Variants in SLC38A8 observed in about 807,000 individuals in gnomAD.
The protein encoded by SLC38A8 is amino acid transporter SLC38A8.
A neutral mutation model predicts 46.0 loss-of-function variants in SLC38A8; 65 were observed. The ratio of observed to expected loss-of-function variants is 1.41; its 90% CI spans 1.16 to 1.74. The LOEUF (loss-of-function observed/expected upper bound fraction) is 1.74, where lower values mean the gene tolerates loss of function less well. SLC38A8 is among the 40% of genes most tolerant of loss of function. The probability of loss-of-function intolerance (pLI) is 0.00; values close to 1 mark genes in which losing one functional copy is unlikely to be tolerated. For missense variants in SLC38A8, 998 were observed against 567.9 expected (o/e 1.76, Z -7.70); for synonymous variants, 447 against 243.7 (o/e 1.83, Z -7.77).
chr16:84,040,323 G>T, intron 2 of SLC38A8, among the ~76,000 whole-genome samples: 1 of 152,266 alleles, frequency 6.6e-6, no homozygotes, highest in Non-Finnish European at 1.5e-5. Flanking sequence ...TTCACCTCAG[G>T]GTTCCCTTCT....
intron 2 of SLC38A8, among the ~76,000 whole-genome samples, chr16:84,041,730 T>G (rs997723954): frequency 6.6e-6 from 1 of 152,184 alleles, no homozygotes; most frequent in African/African-American, 2.4e-5. Context: ...CTGCGATGCC[T>G]GTAGCTCCAT....
At chr16:84,014,124 C>A (rs1159997722) in intron 9 of SLC38A8, among the ~76,000 whole-genome samples, 1 of 147,214 alleles carries the variant, frequency 6.8e-6, no homozygotes, top group Non-Finnish European at 1.5e-5. Context: ...ACCTCTAAAA[C>A]CTCCTCTCAG....
intron 2 of SLC38A8, 75 bp downstream of exon 2, chr16:84,041,894 A>C: frequency 7.4e-7 from 1 of 1,344,582 alleles, no homozygotes; most frequent in Non-Finnish European, 1.0e-6. Context: ...CCGCAGAAGC[A>C]ATGCGAGGAA....
At chr16:84,019,558 G>T (rs536434292) in intron 7 of SLC38A8, among the ~76,000 whole-genome samples, 1 of 152,134 alleles carries the variant, frequency 6.6e-6, no homozygotes, top group Non-Finnish European at 1.5e-5. Flanking sequence ...GAGTTTTGGA[G>T]GGGACAATCA....
At chr16:84,035,000 T>G (rs570446623) in intron 3 of SLC38A8, among the ~76,000 whole-genome samples, 2 of 152,238 alleles carry the variant, frequency 1.3e-5, no homozygotes, top group East Asian at 3.9e-4. Context: ...TAGCACTCCG[T>G]CTCAGAAGCT....
intron 2 of SLC38A8, among the ~76,000 whole-genome samples, chr16:84,038,188 G>A (rs1442594019): frequency 6.6e-6 from 1 of 151,998 alleles, no homozygotes; most frequent in African/African-American, 2.4e-5. Context: ...GCACATGCCT[G>A]TAATTCCAGC....
At position 84,026,220 on chromosome 16, in the gene SLC38A8, T is replaced by C. The variant is rs180852388; in HGVS notation, c.690+3274A>G. Among the ~76,000 whole-genome samples, 184 of 147,790 alleles carry C rather than the reference T, an allele frequency of 1.2e-3. 1 individual carries two copies. Among genetic ancestry groups the C allele is most frequent in the African/African-American group, 4.2e-3 (160 of 38,114 alleles). ...TCCCTGTTTGACTCCGCAGTTGGGT[T>C]TCTACTGGTGTTTTGTTTTGTTTTT... is the stretch of plus-strand genomic sequence containing the variant. On this transcript the variant is annotated intron_variant, in intron 6 of 10. Coordinates refer to ENST00000299709, the MANE Select transcript of SLC38A8 (RefSeq NM_001080442.3).
intron 10 of SLC38A8, 49 bp downstream of exon 10, chr16:84,012,952 T>C: frequency 6.3e-7 from 1 of 1,599,246 alleles, no homozygotes; most frequent in Non-Finnish European, 8.6e-7. Context: ...ACATTCTTAC[T>C]CTGATCCGGG....
chr16:84,029,448 C>A, intron 6 of SLC38A8, 46 bp downstream of exon 6: 1 of 1,602,838 alleles, frequency 6.2e-7, no homozygotes, highest in South Asian at 1.1e-5. Flanking sequence ...GAGTCACCCA[C>A]AGCCTCTGCA....
In SLC38A8 at chr16:84,031,971, AAC is replaced by A; in HGVS notation, c.531-5_531-4del. On this transcript the variant is annotated splice_polypyrimidine_tract_variant and splice_region_variant and intron_variant, in intron 4 of 10. Coordinates refer to ENST00000299709, the MANE Select transcript of SLC38A8 (RefSeq NM_001080442.3). ...AGGCAGCCAGAGTGCCTAGGATGCT[AAC>A]ACAGTGACCGTGTGAGGGGCTGCGC... The A allele has an allele frequency of 6.2e-7, 1 of 1,613,880 alleles. No individual in the cohort carries two copies. Among genetic ancestry groups the A allele is most frequent in the African/African-American group, 1.3e-5 (1 of 75,052 alleles).
rs967774012 is a variant in SLC38A8, at chr16:84,027,858, G to T, written c.690+1636C>A. ...GCGTAGGTCTGCTGCACCATATGGCGCTTGGGCACAGAGAGAGGTTCTTAA... is the reference window on the plus strand; with the variant it reads ...GCGTAGGTCTGCTGCACCATATGGCTCTTGGGCACAGAGAGAGGTTCTTAA... On this transcript the variant is annotated intron_variant, in intron 6 of 10. Coordinates refer to ENST00000299709, the MANE Select transcript of SLC38A8 (RefSeq NM_001080442.3). Among the ~76,000 whole-genome samples the T allele has an allele frequency of 4.6e-5, 7 of 152,224 alleles. No individual in the cohort carries two copies. In the East Asian group the frequency reaches 1.4e-3, roughly 29 times the overall value.
chr16:84,026,823 G>T (rs1781669603), intron 6 of SLC38A8, among the ~76,000 whole-genome samples: 2 of 152,194 alleles, frequency 1.3e-5, no homozygotes, highest in African/African-American at 4.8e-5. Context: ...ATTCCTAGGA[G>T]GTGGCCATCG....
rs569520177 is a variant in SLC38A8 at position 84,021,231 on chromosome 16, T to C, written c.805+1544A>G. ...GTGCCCCGCCACCATGCTCGGCTAA[T>C]TTTTTGTATTTTTAATAGAAATGCG... On this transcript the variant is annotated intron_variant, in intron 7 of 10. Transcript: ENST00000299709. Among the ~76,000 whole-genome samples the C allele has an allele frequency of 8.2e-4, 125 of 152,218 alleles. 1 individual carries two copies. The highest frequency in any genetic ancestry group is 2.6e-3 in the African/African-American group (109 of 41,534).
intron 4 of SLC38A8, among the ~76,000 whole-genome samples, 200 bp from the exon 5 acceptor site, chr16:84,032,168 A>AGTT (rs369109506): frequency 0.076 from 5,459 of 71,610 alleles, 334 homozygotes; most frequent in African/African-American, 0.31. Context: ...TCAGATGTAG[A>AGTT]GTTTTGTTGT....
intron 6 of SLC38A8, among the ~76,000 whole-genome samples, chr16:84,025,482 GGTTT>G (rs1024177021): frequency 1.3e-5 from 2 of 151,896 alleles, no homozygotes; most frequent in South Asian, 2.1e-4. Flanking sequence ...CGGGCTTTTC[GGTTT>G]GTCTACTCAG....
chr16:84,011,155 G>T (rs1175718978), intron 10 of SLC38A8, among the ~76,000 whole-genome samples: 1 of 152,228 alleles, frequency 6.6e-6, no homozygotes, highest in Non-Finnish European at 1.5e-5. Flanking sequence ...CATCTGTGCG[G>T]GGACTGTGAG....
At chr16:84,022,243 C>A (rs1410266155) in intron 7 of SLC38A8, among the ~76,000 whole-genome samples, 1 of 152,206 alleles carries the variant, frequency 6.6e-6, no homozygotes, top group African/African-American at 2.4e-5. Context: ...AAGTGGCCAA[C>A]CAGAAGCCAG....
chr16:84,020,668 G>A (rs1321158847), intron 7 of SLC38A8, among the ~76,000 whole-genome samples: 1 of 152,194 alleles, frequency 6.6e-6, no homozygotes, highest in Non-Finnish European at 1.5e-5. Flanking sequence ...AGGGCACGTA[G>A]GATAGCCTGT....
At chr16:84,038,403 GC>G (rs2085327122) in intron 2 of SLC38A8, among the ~76,000 whole-genome samples, 1 of 152,068 alleles carries the variant, frequency 6.6e-6, no homozygotes, top group African/African-American at 2.4e-5. Flanking sequence ...ATGACAGGTT[GC>G]TATACTTGCT....
Sources: allele counts gnomAD v4.1 joint callset (sites outside exome capture counted in the v4.1 genomes callset), GRCh38; gene constraint gnomAD v4.1.1; transcripts MANE v1.5; gene names NCBI Gene and HGNC (gene_info 2026-07-23, HGNC 2026-07-21).